ARFIP1: variants seen among roughly 807,000 people sequenced by gnomAD.
ARFIP1 encodes arfaptin-1.
Under a neutral mutation model 42.5 loss-of-function variants are expected in ARFIP1, and 24 were observed. That is an observed-to-expected ratio of 0.57 (90% CI 0.41 to 0.80). The LOEUF (loss-of-function observed/expected upper bound fraction) is 0.80, where lower values mean the gene tolerates loss of function less well. Ranked by LOEUF, ARFIP1 falls within the 30% of genes least tolerant of loss-of-function variation. The pLI is 0.00. For synonymous variants in ARFIP1, 141 were observed against 153.7 expected (o/e 0.92, Z 0.61); for missense variants, 354 against 434.0 (o/e 0.82, Z 1.64).
chr4:152,888,256 T>G lies in ARFIP1; in HGVS notation c.915T>G (p.Asp305Glu), dbSNP rs546424412. The change falls in exon 8 of 9, where the codon GAT becomes GAG. Residue 305 changes from aspartate (D) to glutamate (E), a missense_variant. Transcript: ENST00000353617. ...TCCAAGCACATAAGGAAAAATATGA[T>G]AAAATGCGCAATGATGTTTCTGTCA... The part of the protein sequence containing the change: ...HLFQAHKEKY[D>E]KMRNDVSVKL... 3 of 1,610,288 alleles carry G rather than the reference T, an allele frequency of 1.9e-6. No homozygotes were observed. In the South Asian group the frequency reaches 3.3e-5, roughly 18 times the overall value.
At chr4:152,803,609 CAT>C (rs779870670) in intron 1 of ARFIP1, among the ~76,000 whole-genome samples, 17 of 152,188 alleles carry the variant, frequency 1.1e-4, no homozygotes, top group East Asian at 1.9e-4. Context: ...TCAATGATAA[CAT>C]GTGCATATTT....
chr4:152,874,912 C>G lies in ARFIP1; in HGVS notation c.411+2348C>G, dbSNP rs537102606. Among the ~76,000 whole-genome samples the G allele has an allele frequency of 5.9e-5, 9 of 152,240 alleles. No individual in the cohort carries two copies. In the South Asian group the frequency reaches 1.9e-3, roughly 32 times the overall value. The stretch of plus-strand genomic sequence containing the variant: ...TCCTGGGTTCAAGCAGTCCTCCCAC[C>G]TCAGCCTCCCAAAGTGCAGGGACTT... On this transcript the variant is annotated intron_variant, in intron 5 of 8. Coordinates refer to ENST00000353617, the MANE Select transcript of ARFIP1 (RefSeq NM_001025595.3).
intron 8 of ARFIP1, among the ~76,000 whole-genome samples, chr4:152,902,237 C>T (rs1159504812): frequency 6.6e-6 from 1 of 152,226 alleles, no homozygotes; most frequent in Non-Finnish European, 1.5e-5. Flanking sequence ...TGTAGTGGCT[C>T]ACACCTGTAA....
chr4:152,898,497 A>G (rs990307842), intron 8 of ARFIP1, among the ~76,000 whole-genome samples: 10 of 152,122 alleles, frequency 6.6e-5, no homozygotes, highest in Non-Finnish European at 1.3e-4. Flanking sequence ...TTAAAAATTC[A>G]CCTTAAGTTT....
At chr4:152,790,173 A>G (rs1731064157) in intron 1 of ARFIP1, among the ~76,000 whole-genome samples, 1 of 152,174 alleles carries the variant, frequency 6.6e-6, no homozygotes, top group African/African-American at 2.4e-5. Flanking sequence ...ATTTTTCATT[A>G]AAAAAATTAC....
chr4:152,818,990 A>G, intron 1 of ARFIP1, among the ~76,000 whole-genome samples: 1 of 152,144 alleles, frequency 6.6e-6, no homozygotes, highest in Non-Finnish European at 1.5e-5. Context: ...GAGCCAGAGA[A>G]AGGACTTGCC....
At chr4:152,814,829 A>G (rs927848337) in intron 1 of ARFIP1, among the ~76,000 whole-genome samples, 1 of 152,270 alleles carries the variant, frequency 6.6e-6, no homozygotes, top group African/African-American at 2.4e-5. Context: ...CTAAAAGCCT[A>G]GGAGACGGAA....
At chr4:152,804,500 A>G (rs553039912) in intron 1 of ARFIP1, among the ~76,000 whole-genome samples, 1 of 121,500 alleles carries the variant, frequency 8.2e-6, no homozygotes, top group African/African-American at 3.2e-5. Context: ...ATATATATAT[A>G]ATATATATAT....
At chr4:152,873,848 A>C (rs143331455) in intron 5 of ARFIP1, among the ~76,000 whole-genome samples, 145 of 152,250 alleles carry the variant, frequency 9.5e-4, no homozygotes, top group African/African-American at 3.3e-3. Flanking sequence ...GAGTGGCATG[A>C]ATCTGACCTC....
At chr4:152,871,171 T>C (rs1734847060) in intron 4 of ARFIP1, among the ~76,000 whole-genome samples, 1 of 152,256 alleles carries the variant, frequency 6.6e-6, no homozygotes, top group African/African-American at 2.4e-5. Context: ...CTCTCATCTT[T>C]GCAGCTCTGC....
At chr4:152,853,119 A>G (rs1192351292) in intron 2 of ARFIP1, among the ~76,000 whole-genome samples, 2 of 152,150 alleles carry the variant, frequency 1.3e-5, no homozygotes, top group African/African-American at 4.8e-5. Context: ...TGTTGTTCTC[A>G]TATTGTTAAT....
At chr4:152,866,961 C>T (rs112473318) in intron 3 of ARFIP1, among the ~76,000 whole-genome samples, 45,514 of 150,722 alleles carry the variant, frequency 0.3, 8,399 homozygotes, top group East Asian at 0.46. Context: ...AGGCGCTCCT[C>T]ACTTCCTAGA....
chr4:152,896,195 C>T (rs1002359997), intron 8 of ARFIP1, among the ~76,000 whole-genome samples: 3 of 150,424 alleles, frequency 2.0e-5, no homozygotes, highest in East Asian at 1.9e-4. Context: ...CATATGTTGA[C>T]GGTCAGTGAG....
intron 8 of ARFIP1, among the ~76,000 whole-genome samples, chr4:152,895,939 G>A (rs1332974501): frequency 6.6e-6 from 1 of 152,118 alleles, no homozygotes; most frequent in Admixed American, 6.6e-5. Context: ...AGAGCTTATA[G>A]TCAAGTAAGA....
intron 2 of ARFIP1, among the ~76,000 whole-genome samples, chr4:152,840,214 G>C (rs1364624503): frequency 6.6e-6 from 1 of 152,204 alleles, no homozygotes; most frequent in East Asian, 1.9e-4. Context: ...TGAATAGAAT[G>C]TGTATTCTGT....
chr4:152,843,842 C>T (rs1024856297), intron 2 of ARFIP1, among the ~76,000 whole-genome samples: 1 of 152,172 alleles, frequency 6.6e-6, no homozygotes, highest in Non-Finnish European at 1.5e-5. Context: ...AGGCTACCCA[C>T]CTTCCAGCTG....
Position 152,875,718 on chromosome 4 carries a change from T to A in ARFIP1, c.411+3154T>A, listed in dbSNP as rs1336726071. On this transcript the variant is annotated intron_variant, in intron 5 of 8. Transcript: ENST00000353617. ...TTGTACTTAAATATCTTTATTCTTT[T>A]TTTTTTTTTTGGCACTACAGAAGAG... Among the ~76,000 whole-genome samples, 9 of 151,954 alleles carry A rather than the reference T, an allele frequency of 5.9e-5. No individual in the cohort carries two copies. In the East Asian group the frequency reaches 1.5e-3, roughly 26 times the overall value.
chr4:152,827,117 A>C (rs1730898497), intron 1 of ARFIP1, among the ~76,000 whole-genome samples: 1 of 152,194 alleles, frequency 6.6e-6, no homozygotes, highest in Non-Finnish European at 1.5e-5. Flanking sequence ...AATATACTTA[A>C]CAGTACTGAA....
chr4:152,870,100 A>C (rs553097564), intron 3 of ARFIP1, among the ~76,000 whole-genome samples: 1 of 152,356 alleles, frequency 6.6e-6, no homozygotes, highest in South Asian at 2.1e-4. Flanking sequence ...GGGAAATCTT[A>C]TGAAAATGTA....
Sources: allele counts gnomAD v4.1 joint callset (sites outside exome capture counted in the v4.1 genomes callset), GRCh38; gene constraint gnomAD v4.1.1; transcripts MANE v1.5; gene names NCBI Gene and HGNC (gene_info 2026-07-23, HGNC 2026-07-21).